SRFBP1: variants seen among roughly 807,000 people sequenced by gnomAD.
SRFBP1 encodes serum response factor-binding protein 1.
A neutral mutation model predicts 45.5 loss-of-function variants in SRFBP1; 47 were observed. That is an observed-to-expected ratio of 1.03 (90% CI 0.82 to 1.32). SRFBP1 has a LOEUF of 1.32. SRFBP1 is among the 40% of genes most tolerant of loss of function. SRFBP1 has a pLI of 0.00. For synonymous variants in SRFBP1, 203 were observed against 166.3 expected (o/e 1.22, Z -1.70); for missense variants, 621 against 484.6 (o/e 1.28, Z -2.64).
In SRFBP1 at chr5:121,977,043, C is replaced by T. The variant is rs147465581; in HGVS notation, c.198+1656C>T. 7.5e-4 allele frequency among the ~76,000 whole-genome samples: 114 copies of T among 151,960 alleles called. 1 individual carries two copies. The East Asian group carries it at 8.7e-3, about 12-fold the overall frequency. On this transcript the variant is annotated intron_variant, in intron 3 of 7. Coordinates refer to ENST00000339397, the MANE Select transcript of SRFBP1 (RefSeq NM_152546.3). ...TTGATTAATTAGAAAGAAAAGTTGT[C>T]CTTTTTGATCTAAATGTAAAGCCTG...
chr5:121,994,493 T>G, intron 3 of SRFBP1, 106 bp from the exon 4 acceptor site: 1 of 703,860 alleles, frequency 1.4e-6, no homozygotes, highest in East Asian at 3.0e-5. Flanking sequence ...TTTCTCAAAA[T>G]TAAGATGTTA....
At chr5:122,029,051 T>C (rs1032120519), downstream of SRFBP1, among the ~76,000 whole-genome samples, 2 of 152,058 alleles carry the variant, frequency 1.3e-5, no homozygotes, top group Non-Finnish European at 2.9e-5. Context: ...TCTAGGGCAT[T>C]GGTTCTCGAC....
chr5:121,997,278 C>T (rs979265849), intron 4 of SRFBP1, among the ~76,000 whole-genome samples: 206 of 148,960 alleles, frequency 1.4e-3, no homozygotes, highest in Non-Finnish European at 1.1e-3. Flanking sequence ...TACAAGGCTA[C>T]AGTAACCAAA....
intron 1 of SRFBP1, among the ~76,000 whole-genome samples, chr5:121,970,672 G>C (rs1416235309): frequency 2.0e-5 from 3 of 151,550 alleles, no homozygotes; most frequent in Non-Finnish European, 4.4e-5. Context: ...CCTGATTACT[G>C]TGCATTTTTA....
chr5:122,000,803 A>G (rs1487065966), intron 4 of SRFBP1, among the ~76,000 whole-genome samples: 2 of 152,100 alleles, frequency 1.3e-5, no homozygotes, highest in Non-Finnish European at 2.9e-5. Context: ...GAAATTCACA[A>G]GTCTCAACAT....
intron 2 of SRFBP1, among the ~76,000 whole-genome samples, chr5:122,051,058 T>A (rs1160626098): frequency 6.6e-6 from 1 of 152,186 alleles, no homozygotes; most frequent in Non-Finnish European, 1.5e-5. Flanking sequence ...AATTGTATGA[T>A]TTTGAGTGAT....
chr5:122,048,101 A>T (rs982514316), intron 2 of SRFBP1, among the ~76,000 whole-genome samples: 2 of 152,140 alleles, frequency 1.3e-5, no homozygotes, highest in African/African-American at 4.8e-5. Context: ...GAGTGGTGAG[A>T]GAGGGCATCC....
intron 3 of SRFBP1, among the ~76,000 whole-genome samples, chr5:121,980,832 G>C (rs1210974868): frequency 6.6e-6 from 1 of 152,056 alleles, no homozygotes; most frequent in Non-Finnish European, 1.5e-5. Context: ...TCTGCTACTT[G>C]TCTGAACACT....
chr5:122,010,581 T>A (rs1235179033), intron 4 of SRFBP1, among the ~76,000 whole-genome samples: 1 of 152,134 alleles, frequency 6.6e-6, no homozygotes. Flanking sequence ...CTTCCTCCAG[T>A]TGATTGATAA....
At chr5:122,033,361 T>C (rs1209789451), downstream of SRFBP1, among the ~76,000 whole-genome samples, 2 of 152,172 alleles carry the variant, frequency 1.3e-5, no homozygotes, top group Non-Finnish European at 2.9e-5. Flanking sequence ...GAGTTTCTCT[T>C]TTTATTTCCT....
At chr5:122,061,486 T>C (rs1401799529) in intron 2 of SRFBP1, among the ~76,000 whole-genome samples, 1 of 152,068 alleles carries the variant, frequency 6.6e-6, no homozygotes, top group African/African-American at 2.4e-5. Context: ...TGTAAATATA[T>C]GAATACATCC....
At chr5:122,050,972 A>G (rs1378646757) in intron 2 of SRFBP1, among the ~76,000 whole-genome samples, 1 of 152,150 alleles carries the variant, frequency 6.6e-6, no homozygotes, top group African/African-American at 2.4e-5. Context: ...ATTAGTTTCT[A>G]AGAATTTCTT....
At chr5:122,046,136 T>C (rs1407568919) in intron 2 of SRFBP1, among the ~76,000 whole-genome samples, 1 of 152,116 alleles carries the variant, frequency 6.6e-6, no homozygotes, top group Non-Finnish European at 1.5e-5. Context: ...CATGTTGGTG[T>C]GCTGCACCCA....
At chr5:121,982,613 CAA>C (rs1262392579) in intron 3 of SRFBP1, among the ~76,000 whole-genome samples, 4 of 151,776 alleles carry the variant, frequency 2.6e-5, no homozygotes, top group Admixed American at 2.0e-4. Flanking sequence ...TGTTTGAAAA[CAA>C]AGAGCAAGTT....
chr5:122,078,076 C>T, downstream of SRFBP1: 1 of 1,275,262 alleles, frequency 7.8e-7, no homozygotes, highest in South Asian at 2.0e-5. Flanking sequence ...AAGGAGAAAT[C>T]TTCAACCAAG....
intron 2 of SRFBP1, 101 bp from the exon 3 acceptor site, chr5:121,975,214 T>G (rs1185236090): frequency 8.1e-7 from 1 of 1,230,372 alleles, no homozygotes; most frequent in Non-Finnish European, 1.2e-6. Flanking sequence ...ATTTAGAGAT[T>G]TATTACGCTT....
rs543086095 is a variant in SRFBP1, at chr5:121,994,869, G to A, written c.270+199G>A. Among the ~76,000 whole-genome samples the A allele has an allele frequency of 3.3e-5, 5 of 151,876 alleles. No homozygotes were observed. In the South Asian group the frequency reaches 1.0e-3, roughly 32 times the overall value. On this transcript the variant is annotated intron_variant, in intron 4 of 7. Transcript: ENST00000339397. ...TGTTTTGCTGTAATATCATACCTTC[G>A]AGGTCCTTAAAGGTATGTTGAACTT... is the stretch of plus-strand genomic sequence containing the variant.
chr5:122,020,004 A>G, intron 5 of SRFBP1, 84 bp from the exon 6 acceptor site: 1 of 912,902 alleles, frequency 1.1e-6, no homozygotes, highest in Non-Finnish European at 1.6e-6. Context: ...ATCTTTTCAA[A>G]TAATTTTTTA....
Position 122,028,272 on chromosome 5 carries a change from A to T in SRFBP1, c.*1146A>T, listed in dbSNP as rs1286935390. The T allele has an allele frequency of 6.6e-6, 1 of 152,222 alleles. No homozygotes were observed. Among genetic ancestry groups the T allele is most frequent in the African/African-American group, 2.4e-5 (1 of 41,458 alleles). 9.4% of individuals were successfully genotyped at this position (152,222 alleles called of 1,614,324 possible). On this transcript the variant is annotated 3_prime_UTR_variant, in exon 8 of 8. Transcript: ENST00000339397. ...GGCCATCTGGTTAACCTGTATTCAC[A>T]AACTCTCAAGAGTTTCTACTTATTT...
Sources: gnomAD v4.1 joint callset for allele counts (sites outside exome capture counted in the v4.1 genomes callset) on GRCh38, gnomAD v4.1.1 for gene constraint, MANE v1.5 for transcripts, NCBI Gene and HGNC (gene_info 2026-07-23, HGNC 2026-07-21) for gene names.